The following NOX4 variants were observed in gnomAD, a reference collection of about 807,000 sequenced individuals.
NOX4 encodes NADPH oxidase 4, also known as kidney oxidase-1.
NOX4 carries 69 observed loss-of-function variants against 87.6 expected under a neutral mutation model. That is an observed-to-expected ratio of 0.79 (90% CI 0.65 to 0.96). The LOEUF (loss-of-function observed/expected upper bound fraction) is 0.96, where lower values mean the gene tolerates loss of function less well. Among genes scored for constraint, NOX4 ranks in the 40% least tolerant of loss-of-function variants. NOX4 has a pLI of 0.00. For missense variants in NOX4, 680 were observed against 681.5 expected (o/e 1.00, Z 0.02); for synonymous variants, 275 against 238.2 (o/e 1.15, Z -1.42).
intron 13 of NOX4, among the ~76,000 whole-genome samples, chr11:89,351,230 A>G (rs1326069768): frequency 6.6e-6 from 1 of 152,218 alleles, no homozygotes; most frequent in Non-Finnish European, 1.5e-5. Flanking sequence ...CTAATCCAGA[A>G]CAAGGCCTTA....
chr11:89,413,103 T>A (rs939075110), intron 8 of NOX4, among the ~76,000 whole-genome samples: 2 of 152,102 alleles, frequency 1.3e-5, no homozygotes, highest in Non-Finnish European at 2.9e-5. Flanking sequence ...ATCAGATAAA[T>A]GCAAAGTAAA....
chr11:89,371,210 G>C (rs1389944363), intron 12 of NOX4, among the ~76,000 whole-genome samples: 1 of 151,882 alleles, frequency 6.6e-6, no homozygotes, highest in African/African-American at 2.4e-5. Context: ...GTCAGATAAT[G>C]ACATGACTAT....
At chr11:89,442,974 T>C (rs1405270544) in intron 5 of NOX4, among the ~76,000 whole-genome samples, 1 of 151,430 alleles carries the variant, frequency 6.6e-6, no homozygotes, top group Admixed American at 6.6e-5. Flanking sequence ...CAGGTGGAAG[T>C]GAGATGGGCA....
chr11:89,399,327 G>A (rs1393849028), intron 11 of NOX4, among the ~76,000 whole-genome samples: 2 of 148,996 alleles, frequency 1.3e-5, no homozygotes, highest in Admixed American at 1.3e-4. Flanking sequence ...CAGAGTATCC[G>A]TATTTCCCCT....
the NOX4 span, among the ~76,000 whole-genome samples, chr11:89,549,800 C>T: frequency 6.6e-6 from 1 of 152,138 alleles, no homozygotes; most frequent in Admixed American, 6.6e-5. Context: ...TTCATCCATG[C>T]CCCTGCAAAA....
chr11:89,422,825 A>T (rs945924648), intron 7 of NOX4, among the ~76,000 whole-genome samples: 6 of 128,526 alleles, frequency 4.7e-5, no homozygotes, highest in African/African-American at 1.8e-4. Context: ...TTTGAGATGC[A>T]GTCTTGCTCT....
chr11:89,460,430 T>A (rs1368080149), intron 2 of NOX4, among the ~76,000 whole-genome samples: 1 of 152,026 alleles, frequency 6.6e-6, no homozygotes, highest in African/African-American at 2.4e-5. Context: ...AGGGCTAATA[T>A]CCAGAATCTA....
chr11:89,552,928 C>T, the NOX4 span, among the ~76,000 whole-genome samples: 30 of 152,082 alleles, frequency 2.0e-4, no homozygotes, highest in South Asian at 2.1e-4. Context: ...GAGATTATGC[C>T]CCAAAATTAT....
chr11:89,580,847 T>C, the NOX4 span, among the ~76,000 whole-genome samples: 2 of 152,192 alleles, frequency 1.3e-5, no homozygotes, highest in Non-Finnish European at 2.9e-5. Context: ...CACTGCTCAA[T>C]GTCTATGAAC....
upstream of NOX4, among the ~76,000 whole-genome samples, chr11:89,495,144 T>G (rs1453807615): frequency 6.6e-6 from 1 of 152,140 alleles, no homozygotes; most frequent in African/African-American, 2.4e-5. Flanking sequence ...TGTTTGGTTT[T>G]GTTTTTTGTT....
At chr11:89,376,687 C>T (rs1470366854) in intron 11 of NOX4, among the ~76,000 whole-genome samples, 1 of 152,100 alleles carries the variant, frequency 6.6e-6, no homozygotes, top group African/African-American at 2.4e-5. Flanking sequence ...TCAAGACCAG[C>T]CTGACCAAGA....
intron 2 of NOX4, among the ~76,000 whole-genome samples, chr11:89,464,842 C>T (rs1945608299): frequency 1.3e-5 from 2 of 152,174 alleles, no homozygotes. Context: ...TTGTTATGAA[C>T]TAAATGCCGT....
At chr11:89,508,654 G>A in the NOX4 span, among the ~76,000 whole-genome samples, 2 of 152,038 alleles carry the variant, frequency 1.3e-5, no homozygotes, top group African/African-American at 4.8e-5. Context: ...AAGTCATGGA[G>A]AGAGGATGGG....
intron 6 of NOX4, among the ~76,000 whole-genome samples, chr11:89,434,837 C>A (rs1418753565): frequency 6.6e-6 from 1 of 151,984 alleles, no homozygotes; most frequent in Non-Finnish European, 1.5e-5. Flanking sequence ...AATTGTTAGA[C>A]TGAATAAAAG....
intron 7 of NOX4, among the ~76,000 whole-genome samples, chr11:89,423,065 T>C (rs928512136): frequency 6.6e-6 from 1 of 152,156 alleles, no homozygotes. Flanking sequence ...CCCAAAGTGC[T>C]GGGATTACAG....
chr11:89,473,613 G>A (rs1946042052), intron 2 of NOX4, among the ~76,000 whole-genome samples: 2 of 151,974 alleles, frequency 1.3e-5, no homozygotes, highest in Non-Finnish European at 2.9e-5. Context: ...TGTCTCCTAA[G>A]CATAGCCTAC....
chr11:89,585,040 C>A, the NOX4 span, among the ~76,000 whole-genome samples: 1 of 152,070 alleles, frequency 6.6e-6, no homozygotes, highest in Admixed American at 6.6e-5. Flanking sequence ...CCAACCAGGG[C>A]CTCACCATTA....
chr11:89,506,888 G>T, the NOX4 span, among the ~76,000 whole-genome samples: 1 of 151,860 alleles, frequency 6.6e-6, no homozygotes, highest in East Asian at 1.9e-4. Context: ...ATACCTATCA[G>T]AATGGCTAAG....
chr11:89,325,115 C>CTTTTTTTTTTTTTTTTTTTTTT lies in NOX4; in HGVS notation c.*1619_*1640dup, dbSNP rs141198784. 1.0e-4 allele frequency: 8 copies of CTTTTTTTTTTTTTTTTTTTTTT among 76,332 alleles called. 1 individual carries two copies. The highest frequency in any genetic ancestry group is 2.8e-4 in the African/African-American group (5 of 17,702). 4.7% of individuals were successfully genotyped at this position (76,332 alleles called of 1,614,324 possible). On this transcript the variant is annotated 3_prime_UTR_variant, in exon 18 of 18. Transcript: ENST00000263317. ...ACTAAACTGTATGAATGCTTTAATTCTTTTTTTTTTTTTTTTTTTTTTTTT... is the reference window on the plus strand; with the variant it reads ...ACTAAACTGTATGAATGCTTTAATTCTTTTTTTTTTTTTTTTTTTTTTTTTTTTTTTTTTTTTTTTTTTTTTT...
Sources: gnomAD v4.1 joint callset for allele counts (sites outside exome capture counted in the v4.1 genomes callset) on GRCh38, gnomAD v4.1.1 for gene constraint, MANE v1.5 for transcripts, NCBI Gene and HGNC (gene_info 2026-07-23, HGNC 2026-07-21) for gene names.